Variants in AK3 observed in about 807,000 individuals in gnomAD.
AK3 encodes adenylate kinase 3.
Under a neutral mutation model 23.7 loss-of-function variants are expected in AK3, and 27 were observed. The ratio of observed to expected loss-of-function variants is 1.14; its 90% CI spans 0.84 to 1.57. The LOEUF (loss-of-function observed/expected upper bound fraction) is 1.57. Among genes scored for constraint, AK3 ranks in the 40% most tolerant of loss-of-function variants. AK3 has a pLI of 0.00. For missense variants in AK3, 406 were observed against 285.6 expected, an observed-to-expected ratio of 1.42 and a Z score of -3.04; for synonymous variants, 159 against 116.0, an observed-to-expected ratio of 1.37 and a Z score of -2.38.
rs1187793469 is a variant in AK3, at chr9:4,710,968, T to C, written c.*2008A>G. On this transcript the variant is annotated 3_prime_UTR_variant, in exon 5 of 5. Transcript: ENST00000381809. ...ATTCATTCCTAAAGTAATGAATGTA[T>C]GTGCAAAACTTTGGGCTAAGTGTTT... The C allele has an allele frequency of 6.6e-6, 1 of 152,238 alleles. No individual in the cohort carries two copies. The highest frequency in any genetic ancestry group is 1.5e-5 in the Non-Finnish European group (1 of 68,054). 9.4% of individuals were successfully genotyped at this position (152,238 alleles called of 1,614,324 possible). A position where few individuals can be genotyped will look rare whatever the true frequency, so the allele number is the denominator to read the frequency against.
At chr9:4,713,178 A>C in intron 4 of AK3, 82 bp from the exon 5 acceptor site, 1 of 1,535,344 alleles carries the variant, frequency 6.5e-7, no homozygotes, top group Non-Finnish European at 8.8e-7. Context: ...TCTGTAAATA[A>C]TGATATTGTA....
At chr9:4,740,264 T>C (rs145859762) in intron 1 of AK3, among the ~76,000 whole-genome samples, 2 of 152,246 alleles carry the variant, frequency 1.3e-5, no homozygotes, top group Admixed American at 1.3e-4. Context: ...AATTCACCCA[T>C]TGTATAGTGT....
chr9:4,732,767 C>T (rs1484212603), intron 1 of AK3, among the ~76,000 whole-genome samples: 1 of 152,126 alleles, frequency 6.6e-6, no homozygotes, highest in East Asian at 1.9e-4. Flanking sequence ...AAATCAACCA[C>T]ACCTCATATC....
At chr9:4,732,212 G>C (rs569180350) in intron 1 of AK3, among the ~76,000 whole-genome samples, 15 of 152,272 alleles carry the variant, frequency 9.9e-5, no homozygotes, top group African/African-American at 3.1e-4. Flanking sequence ...GCTTCCCAAA[G>C]TGCTGGAATT....
At chr9:4,715,532 C>CTA (rs1841704019) in intron 4 of AK3, among the ~76,000 whole-genome samples, 1 of 151,788 alleles carries the variant, frequency 6.6e-6, no homozygotes, top group Admixed American at 6.6e-5. Flanking sequence ...GTAGCTGGGA[C>CTA]TATAGGCATG....
At chr9:4,733,426 G>A (rs540557606) in intron 1 of AK3, among the ~76,000 whole-genome samples, 60 of 152,296 alleles carry the variant, frequency 3.9e-4, no homozygotes, top group African/African-American at 1.3e-3. Flanking sequence ...AGGGGAACGG[G>A]AGGGCCCCCA....
chr9:4,737,169 T>A (rs1842315851), intron 1 of AK3, among the ~76,000 whole-genome samples: 1 of 147,748 alleles, frequency 6.8e-6, no homozygotes, highest in African/African-American at 2.5e-5. Context: ...TTAAAGTGAC[T>A]TAGCTTTAAA....
Position 4,712,853 on chromosome 9 carries a change from A to T in AK3, c.*123T>A. ...TTAGTATCCAAAATAAAATCAGTAGAAATAAAAGTAATATAATTTTCAAAG... is the reference window on the plus strand; with the variant it reads ...TTAGTATCCAAAATAAAATCAGTAGTAATAAAAGTAATATAATTTTCAAAG... On this transcript the variant is annotated 3_prime_UTR_variant, in exon 5 of 5. Coordinates refer to ENST00000381809, the MANE Select transcript of AK3 (RefSeq NM_016282.4). 1 of 1,125,274 alleles carries T rather than the reference A, an allele frequency of 8.9e-7. No individual in the cohort carries two copies. The highest frequency in any genetic ancestry group is 1.2e-6 in the Non-Finnish European group (1 of 812,516). The allele number at this position is 1,125,274 out of a possible 1,614,324, so 69.7% of individuals were successfully genotyped here. A position where few individuals can be genotyped will look rare whatever the true frequency, so the allele number is the denominator to read the frequency against.
At chr9:4,720,503 G>A (rs1841866677) in intron 2 of AK3, among the ~76,000 whole-genome samples, 2 of 152,116 alleles carry the variant, frequency 1.3e-5, no homozygotes, top group South Asian at 4.1e-4. Context: ...GGGCAACATA[G>A]CAAGACCCCT....
chr9:4,714,348 A>C (rs1167059359), intron 4 of AK3, among the ~76,000 whole-genome samples: 1 of 152,174 alleles, frequency 6.6e-6, no homozygotes, highest in Non-Finnish European at 1.5e-5. Flanking sequence ...CAGGGCTTTC[A>C]CTAAGGACAA....
At chr9:4,739,996 G>T (rs144975966) in intron 1 of AK3, among the ~76,000 whole-genome samples, 249 of 150,350 alleles carry the variant, frequency 1.7e-3, no homozygotes, top group Non-Finnish European at 3.0e-3. Context: ...ATGGGACTGA[G>T]GTAGGGAACG....
rs35812152 is a variant in AK3 at position 4,738,761 on chromosome 9, CTTT to C, written c.151+2173_151+2175del. Among the ~76,000 whole-genome samples, 149 of 75,080 alleles carry C rather than the reference CTTT, an allele frequency of 2.0e-3. No individual in the cohort carries two copies. The South Asian group carries it at 0.023, about 12-fold the overall frequency. 49.3% of individuals were successfully genotyped at this position (75,080 alleles called of 152,430 possible). On this transcript the variant is annotated intron_variant, in intron 1 of 4. Transcript: ENST00000381809. ...CTTCTTTTATAATAAATATGCTTTA[CTTT>C]TTTTTTTTTTTTTTTTTTTTTGAGA...
intron 1 of AK3, among the ~76,000 whole-genome samples, chr9:4,726,982 T>A (rs1186466666): frequency 2.0e-5 from 3 of 152,056 alleles, no homozygotes; most frequent in Admixed American, 6.6e-5. Context: ...GGTGACCAGG[T>A]GCATTGTCAA....
In AK3 at chr9:4,711,315, A is replaced by G. The variant is rs943455325; in HGVS notation, c.*1661T>C. ...ATTTTATTCTGATAAAGACTAATATATGCTTGATAACCTAGTGATAATCCA... is the reference window on the plus strand; with the variant it reads ...ATTTTATTCTGATAAAGACTAATATGTGCTTGATAACCTAGTGATAATCCA... On this transcript the variant is annotated 3_prime_UTR_variant, in exon 5 of 5. Transcript: ENST00000381809. 1.3e-5 allele frequency: 2 copies of G among 152,672 alleles called. No homozygotes were observed. The highest frequency in any genetic ancestry group is 2.9e-5 in the Non-Finnish European group (2 of 68,042). The allele number at this position is 152,672 out of a possible 1,614,324, so 9.5% of individuals were successfully genotyped here.
At chr9:4,738,521 GAAT>G (rs1408209904) in intron 1 of AK3, among the ~76,000 whole-genome samples, 1 of 149,798 alleles carries the variant, frequency 6.7e-6, no homozygotes, top group Admixed American at 6.7e-5. Context: ...CTATAAATGA[GAAT>G]AAAAAAGTAA....
At chr9:4,727,769 T>G (rs1842052045) in intron 1 of AK3, among the ~76,000 whole-genome samples, 1 of 152,214 alleles carries the variant, frequency 6.6e-6, no homozygotes, top group Non-Finnish European at 1.5e-5. Context: ...GTCTTGGTTT[T>G]CAGCATGCCT....
chr9:4,713,565 G>A (rs1841619601), intron 4 of AK3, among the ~76,000 whole-genome samples: 1 of 152,020 alleles, frequency 6.6e-6, no homozygotes. Flanking sequence ...TTTTGCAAAA[G>A]CTACTTTCTA....
At chr9:4,736,564 G>C (rs1012183912) in intron 1 of AK3, among the ~76,000 whole-genome samples, 1 of 151,412 alleles carries the variant, frequency 6.6e-6, no homozygotes, top group Non-Finnish European at 1.5e-5. Flanking sequence ...ATGTTTTGAA[G>C]AAATATAGAA....
chr9:4,733,654 C>A (rs1347703371), intron 1 of AK3, among the ~76,000 whole-genome samples: 1 of 152,188 alleles, frequency 6.6e-6, no homozygotes, highest in South Asian at 2.1e-4. Flanking sequence ...CAGGTCTACA[C>A]TCCCCTTCCC....
Sources: gnomAD v4.1 joint callset for allele counts (sites outside exome capture counted in the v4.1 genomes callset) on GRCh38, gnomAD v4.1.1 for gene constraint, MANE v1.5 for transcripts, NCBI Gene and HGNC (gene_info 2026-07-23, HGNC 2026-07-21) for gene names.